The following USP30 variants were observed in gnomAD, a reference collection of about 807,000 sequenced individuals.
USP30 encodes ubiquitin specific peptidase 30, also known as ubiquitin carboxyl-terminal hydrolase 30.
USP30 carries 41 observed loss-of-function variants against 68.2 expected under a neutral mutation model. The observed-to-expected ratio is 0.60, with a 90% CI of 0.47 to 0.78. The LOEUF is 0.78. USP30 is among the 30% of genes least tolerant of loss of function. USP30 has a pLI of 0.00. For missense variants in USP30, 522 were observed against 649.4 expected (o/e 0.80, Z 2.13); for synonymous variants, 229 against 253.7 (o/e 0.90, Z 0.93).
intron 2 of USP30, among the ~76,000 whole-genome samples, chr12:109,026,350 C>G (rs1404602745): frequency 6.6e-6 from 1 of 151,208 alleles, no homozygotes; most frequent in Non-Finnish European, 1.5e-5. Context: ...TGCTGGGATA[C>G]AGTTGTGAGC....
At chr12:109,084,404 G>A (rs983886879) in intron 11 of USP30, among the ~76,000 whole-genome samples, 2 of 152,192 alleles carry the variant, frequency 1.3e-5, no homozygotes, top group African/African-American at 4.8e-5. Context: ...AAAGCAAATA[G>A]AATGCTTAGA....
At chr12:109,038,526 T>G (rs1489181868) in intron 3 of USP30, among the ~76,000 whole-genome samples, 3 of 152,164 alleles carry the variant, frequency 2.0e-5, no homozygotes, top group African/African-American at 7.2e-5. Context: ...GCAATTGTTA[T>G]TCATTTCTTC....
intron 3 of USP30, among the ~76,000 whole-genome samples, chr12:109,038,881 C>T (rs1266126824): frequency 6.6e-6 from 1 of 152,154 alleles, no homozygotes; most frequent in Non-Finnish European, 1.5e-5. Context: ...ACCATCTTTT[C>T]ATGTGCCTAC....
chr12:109,067,665 C>G, intron 4 of USP30, 38 bp downstream of exon 4: 1 of 1,582,654 alleles, frequency 6.3e-7, no homozygotes, highest in Non-Finnish European at 8.7e-7. Flanking sequence ...CTTGGAGAAT[C>G]CTTTCCCCTA....
At chr12:109,081,621 G>GCA (rs1566105486) in intron 8 of USP30, 3 of 545,298 alleles carry the variant, frequency 5.5e-6, no homozygotes, top group South Asian at 4.4e-5. Flanking sequence ...GCACGCATGC[G>GCA]CGCACACACA....
At chr12:109,024,609 A>G (rs117402507) in intron 1 of USP30, among the ~76,000 whole-genome samples, 7 of 150,904 alleles carry the variant, frequency 4.6e-5, no homozygotes, top group South Asian at 2.1e-4. Context: ...ATACCTAGAG[A>G]ACTGGTAAAG....
intron 1 of USP30, chr12:109,054,013 C>A: frequency 2.2e-6 from 1 of 455,988 alleles, no homozygotes; most frequent in Non-Finnish European, 4.4e-6. Flanking sequence ...ATAGTAGAAC[C>A]TGCATCTGTG....
chr12:109,023,801 T>C (rs948121250), intron 1 of USP30, among the ~76,000 whole-genome samples: 2 of 150,834 alleles, frequency 1.3e-5, no homozygotes, highest in African/African-American at 4.9e-5. Context: ...CCTGGCTAAT[T>C]TTTTTGTATT....
chr12:109,081,251 G>A lies in USP30; in HGVS notation c.721-83G>A, dbSNP rs190138250. The A allele has an allele frequency of 4.5e-6, 6 of 1,321,580 alleles. No individual in the cohort carries two copies. The Admixed American group carries it at 8.8e-5, about 19-fold the overall frequency. The allele number at this position is 1,321,580 out of a possible 1,614,324, so 81.9% of individuals were successfully genotyped here. A position where few individuals can be genotyped will look rare whatever the true frequency, so the allele number is the denominator to read the frequency against. ...ATGTTGGGCATCTCAATATTAAACT[G>A]TTTCATAGTCACATATCTTGCATCT... On this transcript the variant is annotated intron_variant, in intron 7 of 12. Coordinates refer to ENST00000257548, the MANE Select transcript of USP30 (RefSeq NM_032663.5).
At chr12:109,062,182 G>A (rs1318140250) in intron 3 of USP30, among the ~76,000 whole-genome samples, 4 of 152,216 alleles carry the variant, frequency 2.6e-5, no homozygotes, top group South Asian at 2.1e-4. Context: ...TGATCCACCC[G>A]CCTCAGCCTC....
At chr12:109,068,918 G>A (rs1307288705) in intron 4 of USP30, among the ~76,000 whole-genome samples, 3 of 152,248 alleles carry the variant, frequency 2.0e-5, no homozygotes, top group Non-Finnish European at 4.4e-5. Context: ...ATCAGGAGCA[G>A]ATTTTCCCTG....
At chr12:109,056,540 G>A (rs186344028) in intron 1 of USP30, 142 bp from the exon 2 acceptor site, 43 of 537,554 alleles carry the variant, frequency 8.0e-5, no homozygotes, top group African/African-American at 5.8e-4. Flanking sequence ...TTTTCAAGAT[G>A]TAATCCTATG....
intron 3 of USP30, among the ~76,000 whole-genome samples, chr12:109,032,718 C>T (rs1447372080): frequency 6.6e-6 from 1 of 152,150 alleles, no homozygotes; most frequent in Non-Finnish European, 1.5e-5. Flanking sequence ...CAAAAATGTC[C>T]TAAAAGTAGA....
intron 12 of USP30, among the ~76,000 whole-genome samples, chr12:109,085,390 C>T (rs956441938): frequency 6.6e-6 from 1 of 152,254 alleles, no homozygotes; most frequent in Non-Finnish European, 1.5e-5. Context: ...GGGTCATGCA[C>T]TCTATAAAGT....
In USP30 at chr12:109,085,655, C is replaced by T. The variant is rs373028321; in HGVS notation, c.1290-12C>T. 17 of 1,612,918 alleles carry T rather than the reference C, an allele frequency of 1.1e-5. No homozygotes were observed. The African/African-American group carries it at 1.3e-4, about 13-fold the overall frequency. On this transcript the variant is annotated splice_polypyrimidine_tract_variant and intron_variant, in intron 12 of 12. Transcript: ENST00000257548. ...AAATTGTAAACCCCTGACATGTGTT[C>T]GTATCATTCAGCTCCTCCACATACC...
rs761764211 is a variant in USP30, at chr12:109,057,951, A to G, written c.219A>G (p.Leu73=). The G allele has an allele frequency of 3.1e-6, 5 of 1,613,620 alleles. No individual in the cohort carries two copies. Among genetic ancestry groups the G allele is most frequent in the Non-Finnish European group, 4.2e-6 (5 of 1,179,788 alleles). ...GGCTTGTGCCTGGCCTTGTTAATTT[A>G]GGGAACACCTGCTTCATGAACTCCC... ...RKGLVPGLVN[L]GNTCFMNSLL... The change falls in exon 3 of 13, where the codon TTA becomes TTG. Residue 73 remains leucine (L), a synonymous_variant. Coordinates refer to ENST00000257548, the MANE Select transcript of USP30 (RefSeq NM_032663.5).
Position 109,052,621 on chromosome 12 carries a change from C to CCGGCAG in USP30, c.-54_-53insAGCGGC, listed in dbSNP as rs1566082267. The CCGGCAG allele has an allele frequency of 1.5e-6, 2 of 1,355,090 alleles. No individual in the cohort carries two copies. Among genetic ancestry groups the CCGGCAG allele is most frequent in the East Asian group, 3.2e-5 (1 of 31,546 alleles). 83.9% of individuals were successfully genotyped at this position (1,355,090 alleles called of 1,614,324 possible). ...CTCGGGAACCGTCGTATCCCTCGGTCCGGCGGCGGCGGCGGCGGTAGCGGA... is the reference window on the plus strand; with the variant it reads ...CTCGGGAACCGTCGTATCCCTCGGTCCGGCAGCGGCGGCGGCGGCGGCGGTAGCGGA... On this transcript the variant is annotated 5_prime_UTR_variant, in exon 1 of 13. Coordinates refer to ENST00000257548, the MANE Select transcript of USP30 (RefSeq NM_032663.5).
intron 3 of USP30, among the ~76,000 whole-genome samples, chr12:109,064,705 T>G: frequency 6.6e-6 from 1 of 152,354 alleles, no homozygotes; most frequent in South Asian, 2.1e-4. Flanking sequence ...TATCCCTTTA[T>G]GCACCTAAGC....
At chr12:109,075,242 G>A (rs1725705452) in intron 7 of USP30, among the ~76,000 whole-genome samples, 1 of 152,140 alleles carries the variant, frequency 6.6e-6, no homozygotes, top group Admixed American at 6.5e-5. Flanking sequence ...TCATATAATA[G>A]TTCTATTCTT....
Sources: gnomAD v4.1 joint callset for allele counts (sites outside exome capture counted in the v4.1 genomes callset) on GRCh38, gnomAD v4.1.1 for gene constraint, MANE v1.5 for transcripts, NCBI Gene and HGNC (gene_info 2026-07-23, HGNC 2026-07-21) for gene names.